The following PAX2 variants were observed in gnomAD, a reference collection of about 807,000 sequenced individuals.
PAX2 encodes the protein paired box protein Pax-2.
A neutral mutation model predicts 41.7 loss-of-function variants in PAX2; 9 were observed. That is an observed-to-expected ratio of 0.22 (90% CI 0.13 to 0.38). The LOEUF is 0.38. Among genes scored for constraint, PAX2 ranks in the 10% least tolerant of loss-of-function variants. The probability of loss-of-function intolerance (pLI) is 1.00; values close to 1 mark genes in which losing one functional copy is unlikely to be tolerated. For synonymous variants in PAX2, 221 were observed against 212.7 expected (o/e 1.04, Z -0.34); for missense variants, 418 against 531.6 (o/e 0.79, Z 2.10).
intron 3 of PAX2, among the ~76,000 whole-genome samples, chr10:100,760,237 C>T (rs149524533): frequency 6.6e-6 from 1 of 152,146 alleles, no homozygotes; most frequent in East Asian, 1.9e-4. Context: ...AGGAGTCAGT[C>T]TTGTCAAACT....
At chr10:100,821,812 AAG>A (rs1433166566) in intron 7 of PAX2, among the ~76,000 whole-genome samples, 1 of 152,206 alleles carries the variant, frequency 6.6e-6, no homozygotes, top group Non-Finnish European at 1.5e-5. Context: ...TTTATTAAGA[AAG>A]AGGCACACCC....
At chr10:100,797,198 A>T (rs1367436691) in intron 5 of PAX2, among the ~76,000 whole-genome samples, 1 of 152,252 alleles carries the variant, frequency 6.6e-6, no homozygotes, top group Non-Finnish European at 1.5e-5. Context: ...TGCCTTCAAA[A>T]TTCACAGTTC....
Position 100,750,006 on chromosome 10 carries a change from C to T in PAX2, c.212+92C>T. 7.0e-7 allele frequency: 1 copy of T among 1,434,882 alleles called. No homozygotes were observed. The highest frequency in any genetic ancestry group is 9.5e-7 in the Non-Finnish European group (1 of 1,051,692). 88.9% of individuals were successfully genotyped at this position (1,434,882 alleles called of 1,614,324 possible). ...CTGGAGGACGTGGCTAAAAGTCCAGCGTGCCAAGCCAGAGAGGGAGATCCC... is the reference window on the plus strand; with the variant it reads ...CTGGAGGACGTGGCTAAAAGTCCAGTGTGCCAAGCCAGAGAGGGAGATCCC... On this transcript the variant is annotated intron_variant, in intron 2 of 9. Coordinates refer to ENST00000355243, the MANE Select transcript of PAX2 (RefSeq NM_000278.5). This position sits in a 1 kb window ranked among gnomAD's most constrained non-coding sequence, Gnocchi z 4.1.
At chr10:100,762,396 C>T (rs576014839) in intron 3 of PAX2, among the ~76,000 whole-genome samples, 30 of 152,160 alleles carry the variant, frequency 2.0e-4, no homozygotes, top group East Asian at 5.8e-4. Flanking sequence ...CACGCCTGCA[C>T]GCACGCAGCC....
chr10:100,777,412 T>TTTTTTTTTTTTTTA (rs1846436096), intron 3 of PAX2, among the ~76,000 whole-genome samples: 3 of 149,894 alleles, frequency 2.0e-5, no homozygotes, highest in African/African-American at 4.9e-5. Context: ...TTTTTTTTTT[T>TTTTTTTTTTTTTTA]GAGATGGAGT....
chr10:100,754,667 A>G (rs1406513158), intron 3 of PAX2, among the ~76,000 whole-genome samples: 2 of 152,184 alleles, frequency 1.3e-5, no homozygotes, highest in African/African-American at 4.8e-5. Flanking sequence ...ATGGTCTACT[A>G]GTTGTTCGTT....
intron 5 of PAX2, among the ~76,000 whole-genome samples, chr10:100,802,458 G>T (rs1201944724): frequency 5.9e-5 from 9 of 152,204 alleles, no homozygotes; most frequent in Non-Finnish European, 1.0e-4. Context: ...AGTGGAAAAG[G>T]CCTGTGCGTC....
chr10:100,742,468 G>A (rs1303492676), upstream of PAX2, among the ~76,000 whole-genome samples: 1 of 152,038 alleles, frequency 6.6e-6, no homozygotes, highest in Non-Finnish European at 1.5e-5. Context: ...GTTGGGGGCC[G>A]CCAGGCGCCT....
chr10:100,735,666 G>A (rs1262079000), exon 1 of PAX2: 12 of 1,059,554 alleles, frequency 1.1e-5, no homozygotes, highest in Non-Finnish European at 1.4e-5. Flanking sequence ...GAGCGGGACA[G>A]CCAGACCCAG....
chr10:100,784,912 G>T (rs761184194), intron 5 of PAX2, among the ~76,000 whole-genome samples: 1 of 152,176 alleles, frequency 6.6e-6, no homozygotes, highest in African/African-American at 2.4e-5. Flanking sequence ...TGCTGGTCAA[G>T]AGGCTTTGAC....
intron 2 of PAX2, 56 bp downstream of exon 2, chr10:100,749,970 T>C (rs1424564996): frequency 4.4e-6 from 7 of 1,579,010 alleles, no homozygotes; most frequent in Non-Finnish European, 6.0e-6. Flanking sequence ...CGGCCAGCCC[T>C]GGGTCTCCAG....
At chr10:100,798,615 C>T (rs918453749) in intron 5 of PAX2, among the ~76,000 whole-genome samples, 1 of 152,132 alleles carries the variant, frequency 6.6e-6, no homozygotes, top group Non-Finnish European at 1.5e-5. Context: ...TCCTCCCTCA[C>T]TCCCGGAATC....
At chr10:100,761,929 A>G (rs929255126) in intron 3 of PAX2, among the ~76,000 whole-genome samples, 9 of 152,196 alleles carry the variant, frequency 5.9e-5, no homozygotes, top group Non-Finnish European at 1.3e-4. Flanking sequence ...GGGAGACATT[A>G]TTCTGGTTTC....
At chr10:100,742,141 G>T (rs1844976359), upstream of PAX2, among the ~76,000 whole-genome samples, 1 of 152,178 alleles carries the variant, frequency 6.6e-6, no homozygotes, top group African/African-American at 2.4e-5. Flanking sequence ...TCTCGCCTGG[G>T]CAGAAAACGC....
chr10:100,795,542 C>A (rs1043113784), intron 5 of PAX2, among the ~76,000 whole-genome samples: 1 of 152,210 alleles, frequency 6.6e-6, no homozygotes, highest in South Asian at 2.1e-4. Context: ...CGTGCAAGCT[C>A]TGGGATATCA....
chr10:100,751,117 C>T (rs948400020), intron 3 of PAX2, among the ~76,000 whole-genome samples: 2 of 152,180 alleles, frequency 1.3e-5, no homozygotes, highest in South Asian at 2.1e-4. Context: ...AGGCTTCTCC[C>T]GCCGGCGTCC....
In PAX2 at chr10:100,806,356, C is replaced by T; in HGVS notation, c.617-74C>T. 3.3e-6 allele frequency: 5 copies of T among 1,507,512 alleles called. No individual in the cohort carries two copies. The East Asian group carries it at 6.8e-5, about 20-fold the overall frequency. The allele number at this position is 1,507,512 out of a possible 1,614,324, so 93.4% of individuals were successfully genotyped here. The stretch of plus-strand genomic sequence containing the variant: ...TCCTGGGCCCGGAACCAGATGCCCA[C>T]CTCTTTGCCCTGCACTGTTCCTGTG... On this transcript the variant is annotated intron_variant, in intron 5 of 9. Coordinates refer to ENST00000355243, the MANE Select transcript of PAX2 (RefSeq NM_000278.5).
At chr10:100,800,122 C>T (rs2133937046) in intron 5 of PAX2, among the ~76,000 whole-genome samples, 1 of 152,258 alleles carries the variant, frequency 6.6e-6, no homozygotes, top group East Asian at 1.9e-4. Flanking sequence ...TTAAATTCTT[C>T]TCAAATACCT....
Position 100,747,767 on chromosome 10 carries a change from T to C in PAX2, c.43+1464T>C, listed in dbSNP as rs1448788393. The C allele has an allele frequency of 5.1e-6, 5 of 984,892 alleles. No individual in the cohort carries two copies. In the African/African-American group the frequency reaches 8.8e-5, roughly 17 times the overall value. The allele number at this position is 984,892 out of a possible 1,614,324, so 61.0% of individuals were successfully genotyped here. On this transcript the variant is annotated intron_variant, in intron 1 of 9. Transcript: ENST00000355243. ...CGAGGGCATCAGGCCTCCGCGGGTC[T>C]CGGCGAGCGGGCCGGAAAGCCTCGG... is the stretch of plus-strand genomic sequence containing the variant.
Sources: gnomAD v4.1 joint callset for allele counts (sites outside exome capture counted in the v4.1 genomes callset) on GRCh38, gnomAD v4.1.1 for gene constraint, Gnocchi (gnomAD v3.1) non-coding constraint, MANE v1.5 for transcripts, NCBI Gene and HGNC (gene_info 2026-07-23, HGNC 2026-07-21) for gene names.